Variants in MBD2 observed in about 807,000 individuals in gnomAD.
The protein encoded by MBD2 is methyl-CpG binding domain protein 2.
A neutral mutation model predicts 39.3 loss-of-function variants in MBD2; 9 were observed. That is an observed-to-expected ratio of 0.23 (90% CI 0.14 to 0.40). The LOEUF is 0.40. Ranked by LOEUF, MBD2 falls within the 10% of genes least tolerant of loss-of-function variation. The probability of loss-of-function intolerance (pLI) is 1.00; values close to 1 mark genes in which losing one functional copy is unlikely to be tolerated. For missense variants in MBD2, 458 were observed against 532.6 expected, an observed-to-expected ratio of 0.86 and a Z score of 1.38; for synonymous variants, 233 against 211.1, an observed-to-expected ratio of 1.10 and a Z score of -0.90.
intron 3 of MBD2, among the ~76,000 whole-genome samples, chr18:54,184,484 AG>A (rs1332950392): frequency 2.0e-5 from 3 of 152,196 alleles, no homozygotes; most frequent in Non-Finnish European, 4.4e-5. Context: ...GATGCCAAAA[AG>A]GTTGGGGACT....
intron 2 of MBD2, among the ~76,000 whole-genome samples, chr18:54,198,998 G>A (rs2086386717): frequency 6.6e-6 from 1 of 152,142 alleles, no homozygotes; most frequent in Non-Finnish European, 1.5e-5. Context: ...ATGCATATAA[G>A]CTCTAGACAA....
chr18:54,202,164 G>A (rs1356611115), intron 2 of MBD2, among the ~76,000 whole-genome samples: 2 of 151,906 alleles, frequency 1.3e-5, no homozygotes, highest in Non-Finnish European at 2.9e-5. Flanking sequence ...CCAACATGAC[G>A]AAACCCCAAC....
Position 54,168,572 on chromosome 18 carries a change from CATATAT to C in MBD2, c.841-2412_841-2407del, listed in dbSNP as rs56174434. Among the ~76,000 whole-genome samples, 105 of 114,886 alleles carry C rather than the reference CATATAT, an allele frequency of 9.1e-4. 5 individuals carry two copies. The highest frequency in any genetic ancestry group is 3.1e-3 in the African/African-American group (83 of 26,436). The allele number at this position is 114,886 out of a possible 152,430, so 75.4% of individuals were successfully genotyped here. On this transcript the variant is annotated intron_variant, in intron 3 of 6. Coordinates refer to ENST00000256429, the MANE Select transcript of MBD2 (RefSeq NM_003927.5). ...TTGTTATGCCATGAAAATGGAGATA[CATATAT>C]ATATATATATATATATATATTTATG...
At chr18:54,199,125 C>T (rs1192606288) in intron 2 of MBD2, among the ~76,000 whole-genome samples, 1 of 152,140 alleles carries the variant, frequency 6.6e-6, no homozygotes, top group African/African-American at 2.4e-5. Flanking sequence ...AATTACTTAA[C>T]CAAATAATAA....
intron 1 of MBD2, among the ~76,000 whole-genome samples, chr18:54,219,468 G>A (rs988163740): frequency 6.6e-6 from 1 of 152,142 alleles, no homozygotes. Flanking sequence ...AAAGCCACAA[G>A]TTCTAAGTAA....
At chr18:54,187,354 C>T (rs577550129) in intron 3 of MBD2, among the ~76,000 whole-genome samples, 2 of 152,244 alleles carry the variant, frequency 1.3e-5, no homozygotes, top group Admixed American at 1.3e-4. Flanking sequence ...ATCTGTTTTA[C>T]CCAATTATAT....
chr18:54,187,093 T>C (rs2086291350), intron 3 of MBD2, among the ~76,000 whole-genome samples: 1 of 152,180 alleles, frequency 6.6e-6, no homozygotes, highest in African/African-American at 2.4e-5. Flanking sequence ...TTTAAAACTG[T>C]GACTGAATTT....
At chr18:54,172,837 C>T (rs1416297956) in intron 3 of MBD2, among the ~76,000 whole-genome samples, 2 of 152,124 alleles carry the variant, frequency 1.3e-5, no homozygotes, top group African/African-American at 4.8e-5. Flanking sequence ...CTCTAAATAT[C>T]GGTTTCATAC....
At chr18:54,220,335 T>C (rs1009742105) in intron 1 of MBD2, among the ~76,000 whole-genome samples, 2 of 151,990 alleles carry the variant, frequency 1.3e-5, no homozygotes, top group African/African-American at 4.8e-5. Flanking sequence ...GATGATAATA[T>C]ATGAACCACC....
intron 3 of MBD2, among the ~76,000 whole-genome samples, chr18:54,181,043 G>A (rs766686952): frequency 2.6e-5 from 4 of 151,244 alleles, no homozygotes; most frequent in African/African-American, 7.3e-5. Flanking sequence ...ACAGGCACGC[G>A]CCACCATGCT....
At position 54,155,009 on chromosome 18, in the gene MBD2, C is replaced by A. The variant is rs2086042570; in HGVS notation, c.*315G>T. The A allele has an allele frequency of 6.6e-6, 1 of 152,550 alleles. No individual in the cohort carries two copies. Among genetic ancestry groups the A allele is most frequent in the South Asian group, 2.1e-4 (1 of 4,830 alleles). 9.4% of individuals were successfully genotyped at this position (152,550 alleles called of 1,614,324 possible). A position where few individuals can be genotyped will look rare whatever the true frequency, so the allele number is the denominator to read the frequency against. On this transcript the variant is annotated 3_prime_UTR_variant, in exon 7 of 7. Transcript: ENST00000256429. ...GTTCTTATTAAAACTGTGGGGGAAACAAATGTTTTACGTAAGTGCTACATT... is the reference window on the plus strand; with the variant it reads ...GTTCTTATTAAAACTGTGGGGGAAAAAAATGTTTTACGTAAGTGCTACATT...
At chr18:54,172,881 G>C (rs1212909192) in intron 3 of MBD2, among the ~76,000 whole-genome samples, 1 of 152,162 alleles carries the variant, frequency 6.6e-6, no homozygotes, top group Admixed American at 6.5e-5. Context: ...CAATCTCAAA[G>C]GGTTATGGGA....
chr18:54,218,961 CA>C (rs113019638), intron 1 of MBD2, among the ~76,000 whole-genome samples: 6,392 of 101,568 alleles, frequency 0.063, 253 homozygotes, highest in African/African-American at 0.14. Context: ...GACTCCGTCT[CA>C]AAAAAAAAAA....
chr18:54,177,967 G>C (rs2086224571), intron 3 of MBD2, among the ~76,000 whole-genome samples: 1 of 151,474 alleles, frequency 6.6e-6, no homozygotes, highest in South Asian at 2.1e-4. Flanking sequence ...AGCCACCCGA[G>C]TAACTGGAAC....
intron 3 of MBD2, among the ~76,000 whole-genome samples, chr18:54,171,239 T>C (rs2086177575): frequency 6.6e-6 from 1 of 152,176 alleles, no homozygotes; most frequent in South Asian, 2.1e-4. Context: ...CCATCTCTCC[T>C]AAAAATACAA....
At chr18:54,156,130 A>G (rs1239477025) in intron 6 of MBD2, among the ~76,000 whole-genome samples, 1 of 152,144 alleles carries the variant, frequency 6.6e-6, no homozygotes, top group Non-Finnish European at 1.5e-5. Context: ...TCCTACCTAT[A>G]CCACAGGTTA....
At chr18:54,167,226 AG>A (rs1173160570) in intron 3 of MBD2, among the ~76,000 whole-genome samples, 8 of 152,220 alleles carry the variant, frequency 5.3e-5, no homozygotes, top group South Asian at 2.1e-4. Flanking sequence ...AACTGGACTC[AG>A]CGTGAGGATC....
intron 2 of MBD2, chr18:54,202,933 G>A: frequency 3.9e-6 from 4 of 1,018,726 alleles, no homozygotes; most frequent in Admixed American, 1.7e-5. Context: ...GGAGTATGCA[G>A]GGCAGGCTTC....
chr18:54,160,602 T>C (rs2086089433), intron 5 of MBD2, among the ~76,000 whole-genome samples: 1 of 144,362 alleles, frequency 6.9e-6, no homozygotes, highest in South Asian at 2.2e-4. Flanking sequence ...CTCTGAACCA[T>C]TAGAGCACAG....
Sources: gnomAD v4.1 joint callset for allele counts (sites outside exome capture counted in the v4.1 genomes callset) on GRCh38, gnomAD v4.1.1 for gene constraint, MANE v1.5 for transcripts, NCBI Gene and HGNC (gene_info 2026-07-23, HGNC 2026-07-21) for gene names.